The following DDX6 variants were observed in gnomAD, a reference collection of about 807,000 sequenced individuals.
DDX6 encodes probable ATP-dependent RNA helicase DDX6.
DDX6 carries 7 observed loss-of-function variants against 60.6 expected under a neutral mutation model. That is an observed-to-expected ratio of 0.12 (90% CI 0.07 to 0.22). The LOEUF (loss-of-function observed/expected upper bound fraction) is 0.22, where lower values mean the gene tolerates loss of function less well. Ranked by LOEUF, DDX6 falls within the 10% of genes least tolerant of loss-of-function variation. The pLI, the probability that DDX6 is intolerant of heterozygous loss-of-function variation, is 1.00. For missense variants in DDX6, 270 were observed against 589.9 expected, an observed-to-expected ratio of 0.46 and a Z score of 5.62; for synonymous variants, 207 against 201.0, an observed-to-expected ratio of 1.03 and a Z score of -0.25.
rs1477097585 is a variant in DDX6 at position 118,764,304 on chromosome 11, C to A, written c.646+905G>T. 9.2e-5 allele frequency among the ~76,000 whole-genome samples: 14 copies of A among 152,076 alleles called. 1 individual carries two copies. Among genetic ancestry groups the A allele is most frequent in the Admixed American group, 8.5e-4 (13 of 15,256 alleles). The stretch of plus-strand genomic sequence containing the variant: ...TTCCACTCGGCAATGTATCATGAAA[C>A]CTCTTCATGAAAATGAATACAGGTC... On this transcript the variant is annotated intron_variant, in intron 6 of 13. Transcript: ENST00000534980.
chr11:118,753,485 G>C (rs1555157961), intron 13 of DDX6, among the ~76,000 whole-genome samples: 1 of 151,548 alleles, frequency 6.6e-6, no homozygotes, highest in African/African-American at 2.4e-5. Context: ...GACTACAGGT[G>C]CGTGTCACCA....
At chr11:118,759,802 G>A in intron 8 of DDX6, 120 bp downstream of exon 8, 1 of 1,150,278 alleles carries the variant, frequency 8.7e-7, no homozygotes, top group Non-Finnish European at 1.2e-6. Context: ...TGAAGAAAGA[G>A]CCAAAGGCTT....
At chr11:118,769,267 A>C (rs1591905635) in intron 4 of DDX6, among the ~76,000 whole-genome samples, 1 of 152,196 alleles carries the variant, frequency 6.6e-6, no homozygotes, top group Admixed American at 6.5e-5. Context: ...ATAGGCTGGG[A>C]AAGTTTAACC....
intron 5 of DDX6, chr11:118,768,010 T>TAAGA: frequency 2.0e-6 from 1 of 496,666 alleles, no homozygotes; most frequent in East Asian, 3.6e-5. Flanking sequence ...GTGTATCATA[T>TAAGA]AAGAATACTC....
At chr11:118,754,503 C>T in intron 13 of DDX6, 2 of 468,414 alleles carry the variant, frequency 4.3e-6, no homozygotes, top group Non-Finnish European at 3.7e-6. Context: ...ACCCGGGAAG[C>T]TGCATTCAAG....
chr11:118,785,347 A>T (rs1361332471), intron 2 of DDX6, among the ~76,000 whole-genome samples: 1 of 152,034 alleles, frequency 6.6e-6, no homozygotes, highest in South Asian at 2.1e-4. Flanking sequence ...CCCTTTTTAT[A>T]TGTAAAAGGA....
intron 4 of DDX6, among the ~76,000 whole-genome samples, chr11:118,778,096 G>A (rs951014516): frequency 6.6e-6 from 1 of 151,940 alleles, no homozygotes; most frequent in African/African-American, 2.4e-5. Context: ...ATGGATGAGG[G>A]GAAGGGAAGT....
At chr11:118,789,742 TATC>T (rs897948199) in intron 1 of DDX6, 3 of 152,192 alleles carry the variant, frequency 2.0e-5, no homozygotes, top group South Asian at 2.1e-4. Flanking sequence ...GACCGAACGA[TATC>T]ATCATTACTG....
intron 4 of DDX6, among the ~76,000 whole-genome samples, chr11:118,778,828 C>T (rs1390993921): frequency 1.3e-5 from 2 of 151,998 alleles, no homozygotes; most frequent in Non-Finnish European, 2.9e-5. Context: ...AGAAAGCCTA[C>T]CTTGAATCTA....
intron 9 of DDX6, among the ~76,000 whole-genome samples, chr11:118,757,955 T>C (rs952730727): frequency 1.3e-5 from 2 of 152,096 alleles, no homozygotes; most frequent in Non-Finnish European, 2.9e-5. Context: ...TTCAGCACCA[T>C]GTGTAGGGGC....
At chr11:118,785,981 T>C (rs979902434) in intron 2 of DDX6, 71 bp downstream of exon 2, 34 of 1,454,122 alleles carry the variant, frequency 2.3e-5, no homozygotes, top group Middle Eastern at 1.8e-4. Context: ...TAAGTATTAA[T>C]AGTCAACACC....
chr11:118,780,707 TA>T (rs1425454837), intron 3 of DDX6, among the ~76,000 whole-genome samples: 3 of 152,148 alleles, frequency 2.0e-5, no homozygotes, highest in African/African-American at 7.2e-5. Flanking sequence ...GATATGAAGT[TA>T]AATCCCACCT....
chr11:118,775,931 G>A (rs1251033638), intron 4 of DDX6, among the ~76,000 whole-genome samples: 2 of 152,170 alleles, frequency 1.3e-5, no homozygotes, highest in Non-Finnish European at 2.9e-5. Flanking sequence ...AGGAGGTCAA[G>A]ACCAGCCTGG....
chr11:118,778,087 T>C (rs534589308), intron 4 of DDX6, among the ~76,000 whole-genome samples: 18 of 151,728 alleles, frequency 1.2e-4, no homozygotes, highest in Non-Finnish European at 4.4e-5. Context: ...CAGATATATA[T>C]GGATGAGGGG....
chr11:118,770,897 A>AAG (rs558261579), intron 4 of DDX6, among the ~76,000 whole-genome samples: 8 of 150,752 alleles, frequency 5.3e-5, no homozygotes, highest in Admixed American at 6.6e-5. Flanking sequence ...AAAAAAAAAA[A>AAG]AGAGAGAGAA....
Position 118,779,156 on chromosome 11 carries a change from C to CAAAA in DDX6, c.369+472_369+475dup, listed in dbSNP as rs5795140. ...GGGTGACAGGGCAAGACCCAGTTGC[C>CAAAA]AAAAAAAAAAAAAAAAAAGAGGGAT... On this transcript the variant is annotated intron_variant, in intron 4 of 13. Coordinates refer to ENST00000534980, the MANE Select transcript of DDX6 (RefSeq NM_004397.6). Among the ~76,000 whole-genome samples, 67 of 125,830 alleles carry CAAAA rather than the reference C, an allele frequency of 5.3e-4. 8 individuals carry two copies. The highest frequency in any genetic ancestry group is 1.7e-3 in the African/African-American group (56 of 32,654). The allele number at this position is 125,830 out of a possible 152,430, so 82.5% of individuals were successfully genotyped here.
chr11:118,754,951 G>A, intron 12 of DDX6, 64 bp from the exon 13 acceptor site: 1 of 1,406,852 alleles, frequency 7.1e-7, no homozygotes, highest in South Asian at 1.4e-5. Context: ...AATTGTGCAA[G>A]TCAAGCAGTG....
intron 3 of DDX6, among the ~76,000 whole-genome samples, chr11:118,780,652 GT>G (rs1861867158): frequency 6.6e-6 from 1 of 152,108 alleles, no homozygotes; most frequent in Admixed American, 6.5e-5. Context: ...GTGGAATAGT[GT>G]TATTTTTTTA....
intron 6 of DDX6, among the ~76,000 whole-genome samples, chr11:118,763,840 A>T (rs1294049455): frequency 1.6e-4 from 2 of 12,830 alleles, no homozygotes; most frequent in South Asian, 2.8e-3. Context: ...TCTCAAATTA[A>T]AAAAAAAAAA....
Sources: allele counts gnomAD v4.1 joint callset (sites outside exome capture counted in the v4.1 genomes callset), GRCh38; gene constraint gnomAD v4.1.1; transcripts MANE v1.5; gene names NCBI Gene and HGNC (gene_info 2026-07-23, HGNC 2026-07-21).